The following RAB1A variants were observed in gnomAD, a reference collection of about 807,000 sequenced individuals.
RAB1A encodes the protein ras-related protein Rab-1A.
In RAB1A, 2 loss-of-function variants were observed where a neutral mutation model predicts 26.0. That is an observed-to-expected ratio of 0.08 (90% confidence interval 0.03 to 0.24). The LOEUF is 0.24. Ranked by LOEUF, RAB1A falls within the 10% of genes least tolerant of loss-of-function variation. RAB1A has a pLI of 1.00. For missense variants in RAB1A, 100 were observed against 247.0 expected (o/e 0.40, Z 3.99); for synonymous variants, 84 against 84.9 (o/e 0.99, Z 0.06).
chr2:65,125,982 C>T (rs1670092243), intron 1 of RAB1A, among the ~76,000 whole-genome samples: 1 of 147,988 alleles, frequency 6.8e-6, no homozygotes, highest in South Asian at 2.1e-4. Context: ...AGAGATTGTC[C>T]TGCCTCAGCC....
chr2:65,094,272 G>A (rs1669234651), intron 3 of RAB1A, among the ~76,000 whole-genome samples: 1 of 152,116 alleles, frequency 6.6e-6, no homozygotes, highest in Admixed American at 6.5e-5. Context: ...ACCTGGCCAA[G>A]GCCCCTATTT....
At chr2:65,095,808 T>C (rs2103831088) in intron 3 of RAB1A, among the ~76,000 whole-genome samples, 1 of 150,894 alleles carries the variant, frequency 6.6e-6, no homozygotes, top group Middle Eastern at 3.4e-3. Flanking sequence ...GGTAAGGAGT[T>C]TGAGACCAGC....
intron 5 of RAB1A, 93 bp downstream of exon 5, chr2:65,088,846 A>T (rs757254351): frequency 3.3e-5 from 46 of 1,397,272 alleles, no homozygotes; most frequent in Middle Eastern, 2.3e-4. Context: ...TAGTGCACAT[A>T]TTTTTAAAAG....
At chr2:65,126,826 A>G (rs376983145) in intron 1 of RAB1A, among the ~76,000 whole-genome samples, 45 of 152,344 alleles carry the variant, frequency 3.0e-4, no homozygotes, top group African/African-American at 1.1e-3. Flanking sequence ...ATAAAACACT[A>G]AAGAACTTTT....
intron 1 of RAB1A, among the ~76,000 whole-genome samples, chr2:65,122,568 A>C (rs1419045456): frequency 6.6e-6 from 1 of 152,118 alleles, no homozygotes; most frequent in African/African-American, 2.4e-5. Flanking sequence ...TATCTCAAAA[A>C]ACAGACACTC....
intron 1 of RAB1A, among the ~76,000 whole-genome samples, chr2:65,114,839 G>A (rs547929225): frequency 2.8e-4 from 39 of 141,434 alleles, no homozygotes; most frequent in East Asian, 8.4e-4. Context: ...GCAACAGAGC[G>A]AGACTCCGTC....
intron 1 of RAB1A, among the ~76,000 whole-genome samples, chr2:65,119,351 C>T (rs1036811811): frequency 2.6e-5 from 4 of 151,906 alleles, no homozygotes; most frequent in African/African-American, 9.7e-5. Flanking sequence ...ACTAAAAATA[C>T]ACAAAATTAG....
intron 1 of RAB1A, chr2:65,114,091 G>A (rs1286553866): frequency 6.9e-6 from 3 of 434,676 alleles, no homozygotes; most frequent in Admixed American, 2.9e-5. Flanking sequence ...TAAACAGACA[G>A]CAATGGCATA....
At chr2:65,115,294 T>A (rs1573084667) in intron 1 of RAB1A, among the ~76,000 whole-genome samples, 1 of 152,230 alleles carries the variant, frequency 6.6e-6, no homozygotes, top group Non-Finnish European at 1.5e-5. Context: ...CCTGATATAC[T>A]GGCCAATAAA....
At chr2:65,128,303 T>C (rs919644414) in intron 1 of RAB1A, among the ~76,000 whole-genome samples, 3 of 152,150 alleles carry the variant, frequency 2.0e-5, no homozygotes, top group Non-Finnish European at 4.4e-5. Context: ...AACATATATA[T>C]AGCAAATTCA....
chr2:65,098,325 C>CA (rs1473699052), intron 2 of RAB1A, among the ~76,000 whole-genome samples: 5 of 152,084 alleles, frequency 3.3e-5, no homozygotes, highest in Admixed American at 6.6e-5. Flanking sequence ...CTACAATAGC[C>CA]ATTCTTTATT....
At chr2:65,116,941 T>C (rs148220853) in intron 1 of RAB1A, among the ~76,000 whole-genome samples, 100 of 152,272 alleles carry the variant, frequency 6.6e-4, no homozygotes, top group Non-Finnish European at 1.1e-3. Flanking sequence ...TTTAAATATA[T>C]AGCAAGACAG....
intron 1 of RAB1A, among the ~76,000 whole-genome samples, chr2:65,120,323 G>A (rs957618584): frequency 2.0e-5 from 3 of 151,902 alleles, no homozygotes; most frequent in Non-Finnish European, 4.4e-5. Context: ...TGGGCGTGGT[G>A]GCGCAGCCTG....
chr2:65,129,103 C>A (rs1276218155), intron 1 of RAB1A, among the ~76,000 whole-genome samples: 2 of 151,746 alleles, frequency 1.3e-5, no homozygotes, highest in African/African-American at 4.8e-5. Context: ...CAGCAAGCTT[C>A]CTTTAATCTG....
At chr2:65,089,994 C>T (rs749037100) in intron 4 of RAB1A, among the ~76,000 whole-genome samples, 2 of 152,148 alleles carry the variant, frequency 1.3e-5, no homozygotes, top group African/African-American at 2.4e-5. Flanking sequence ...TGAGCCACTG[C>T]GCCTGGCCTG....
At chr2:65,107,508 A>T (rs1669589139) in intron 1 of RAB1A, among the ~76,000 whole-genome samples, 1 of 149,794 alleles carries the variant, frequency 6.7e-6, no homozygotes, top group Non-Finnish European at 1.5e-5. Flanking sequence ...TTTTGTTGTT[A>T]GACAGTCTCA....
chr2:65,097,300 C>T (rs13400513), intron 3 of RAB1A, among the ~76,000 whole-genome samples: 44 of 151,874 alleles, frequency 2.9e-4, no homozygotes, highest in African/African-American at 1.0e-3. Context: ...ATTATAATTG[C>T]CTATATTTAA....
chr2:65,107,406 G>A (rs1464487615), intron 1 of RAB1A, among the ~76,000 whole-genome samples: 6 of 152,114 alleles, frequency 3.9e-5, no homozygotes, highest in Non-Finnish European at 7.4e-5. Flanking sequence ...CATTAACAAT[G>A]AGTATATGTT....
chr2:65,113,967 G>A (rs906339555), intron 1 of RAB1A, among the ~76,000 whole-genome samples: 8 of 152,156 alleles, frequency 5.3e-5, no homozygotes, highest in South Asian at 2.1e-4. Context: ...GAAAGGAGGA[G>A]AAAAGCGTTT....
Sources: allele counts gnomAD v4.1 joint callset (sites outside exome capture counted in the v4.1 genomes callset), GRCh38; gene constraint gnomAD v4.1.1; transcripts MANE v1.5; gene names NCBI Gene and HGNC (gene_info 2026-07-23, HGNC 2026-07-21).